Variants in PCSK5 observed in about 807,000 individuals in gnomAD.
The protein encoded by PCSK5 is prohormone convertase 5.
In PCSK5, 129 loss-of-function variants were observed where a neutral mutation model predicts 233.2. That is an observed-to-expected ratio of 0.55 (90% CI 0.48 to 0.64). The LOEUF (loss-of-function observed/expected upper bound fraction) is 0.64. PCSK5 is among the 30% of genes least tolerant of loss of function. The pLI, the probability that PCSK5 is intolerant of heterozygous loss-of-function variation, is 0.00. For synonymous variants in PCSK5, 825 were observed against 879.2 expected (o/e 0.94, Z 1.09); for missense variants, 2,076 against 2,430.1 (o/e 0.85, Z 3.06).
intron 5 of PCSK5, among the ~76,000 whole-genome samples, chr9:76,056,719 A>G (rs1008011604): frequency 5.6e-4 from 86 of 152,232 alleles, no homozygotes; most frequent in Non-Finnish European, 1.9e-4. Flanking sequence ...AAAATTATGT[A>G]ACAAATTGTT....
chr9:75,994,464 G>A (rs1484584419), intron 3 of PCSK5, among the ~76,000 whole-genome samples: 5 of 129,014 alleles, frequency 3.9e-5, no homozygotes, highest in African/African-American at 1.5e-4. Flanking sequence ...TCACTCTGTC[G>A]CCCAGGCTGG....
Position 76,350,946 on chromosome 9 carries a change from T to A in PCSK5, c.5067+18T>A, listed in dbSNP as rs747185680. 2 of 1,278,810 alleles carry A rather than the reference T, an allele frequency of 1.6e-6. No homozygotes were observed. The highest frequency in any genetic ancestry group is 2.3e-6 in the Non-Finnish European group (2 of 888,288). 79.2% of individuals were successfully genotyped at this position (1,278,810 alleles called of 1,614,324 possible). On this transcript the variant is annotated intron_variant, in intron 36 of 37. Coordinates refer to ENST00000674117, the MANE Select transcript of PCSK5 (RefSeq NM_001372043.1). ...TGGGAGAGGTATGGAGGGCTGGGGG[T>A]CCTGGGCCTTCTGCTCTTTCTAGAG...
chr9:75,964,319 A>C (rs1019990644), intron 2 of PCSK5, among the ~76,000 whole-genome samples: 3 of 151,834 alleles, frequency 2.0e-5, no homozygotes, highest in East Asian at 1.9e-4. Flanking sequence ...AATATCTTAT[A>C]TTATAATGTT....
intron 22 of PCSK5, among the ~76,000 whole-genome samples, chr9:76,236,068 C>T (rs1327405340): frequency 6.6e-6 from 1 of 152,158 alleles, no homozygotes; most frequent in Non-Finnish European, 1.5e-5. Flanking sequence ...TGTACATCTC[C>T]AGCTATATTG....
intron 27 of PCSK5, 85 bp from the exon 28 acceptor site, chr9:76,302,052 G>T (rs775175502): frequency 1.9e-6 from 1 of 515,712 alleles, no homozygotes; most frequent in Non-Finnish European, 3.3e-6. Context: ...GACATTTCTG[G>T]GTGGTGGGTT....
At position 75,993,968 on chromosome 9, in the gene PCSK5, ATT is replaced by A. The variant is rs1369489988; in HGVS notation, c.411+7725_411+7726del. Among the ~76,000 whole-genome samples, 6 of 152,298 alleles carry A rather than the reference ATT, an allele frequency of 3.9e-5. No homozygotes were observed. The South Asian group carries it at 8.3e-4, about 21-fold the overall frequency. On this transcript the variant is annotated intron_variant, in intron 3 of 37. Coordinates refer to ENST00000674117, the MANE Select transcript of PCSK5 (RefSeq NM_001372043.1). ...GCAGGTGTTCATAATAAACCATATC[ATT>A]TATATAAATGGTTTAGGTGCAGTGA... is the stretch of plus-strand genomic sequence containing the variant.
chr9:76,131,452 A>G (rs906811658), intron 9 of PCSK5, among the ~76,000 whole-genome samples: 2 of 152,150 alleles, frequency 1.3e-5, no homozygotes, highest in Non-Finnish European at 2.9e-5. Context: ...ATTACCAAAT[A>G]TCAGAGTAAA....
At chr9:76,357,367 A>G (rs1830327900) in intron 37 of PCSK5, among the ~76,000 whole-genome samples, 1 of 152,088 alleles carries the variant, frequency 6.6e-6, no homozygotes, top group Admixed American at 6.5e-5. Context: ...AAATACAAAA[A>G]TCAGCCAGGC....
In PCSK5 at chr9:75,979,265, T is replaced by TA. The variant is rs956984776; in HGVS notation, c.298-6857dup. Among the ~76,000 whole-genome samples the TA allele has an allele frequency of 1.4e-4, 21 of 148,674 alleles. No individual in the cohort carries two copies. The South Asian group carries it at 1.7e-3, about 12-fold the overall frequency. ...AAGACAGATGTTCATCAAAGCCGTC[T>TA]AAAAAAAAAACCAGTTCATACTGGC... On this transcript the variant is annotated intron_variant, in intron 2 of 37. Coordinates refer to ENST00000674117, the MANE Select transcript of PCSK5 (RefSeq NM_001372043.1).
chr9:76,148,853 ATCAAT>A (rs1186138343), intron 10 of PCSK5, among the ~76,000 whole-genome samples: 1 of 152,304 alleles, frequency 6.6e-6, no homozygotes, highest in East Asian at 1.9e-4. Context: ...TTTCCAGAAT[ATCAAT>A]TCAATTATGT....
At chr9:76,328,316 G>T in intron 33 of PCSK5, 77 bp downstream of exon 33, 7 of 996,736 alleles carry the variant, frequency 7.0e-6, no homozygotes, top group Non-Finnish European at 9.4e-6. Context: ...TTGTCCAGTA[G>T]ATACTGGCTT....
intron 2 of PCSK5, among the ~76,000 whole-genome samples, chr9:75,972,184 G>T (rs1186676579): frequency 6.6e-6 from 1 of 152,116 alleles, no homozygotes; most frequent in Non-Finnish European, 1.5e-5. Flanking sequence ...AGATCAGATG[G>T]TTATAGATAT....
intron 13 of PCSK5, among the ~76,000 whole-genome samples, chr9:76,172,674 C>T (rs1322505321): frequency 6.6e-6 from 1 of 152,158 alleles, no homozygotes; most frequent in Non-Finnish European, 1.5e-5. Context: ...GTATTATATG[C>T]TTCATTTGTA....
intron 3 of PCSK5, among the ~76,000 whole-genome samples, chr9:76,016,211 C>T (rs900853972): frequency 6.6e-6 from 1 of 152,242 alleles, no homozygotes; most frequent in African/African-American, 2.4e-5. Context: ...TATGTTACAT[C>T]TTGGTAAAGG....
chr9:76,156,081 G>A (rs563771835), intron 10 of PCSK5, among the ~76,000 whole-genome samples: 3 of 152,304 alleles, frequency 2.0e-5, no homozygotes, highest in Non-Finnish European at 4.4e-5. Flanking sequence ...TTTGCATAAA[G>A]TCATTCATGT....
chr9:75,933,329 A>G (rs1177423627), intron 2 of PCSK5, among the ~76,000 whole-genome samples: 1 of 152,176 alleles, frequency 6.6e-6, no homozygotes, highest in African/African-American at 2.4e-5. Context: ...GCGCATCTGT[A>G]CCAACTTGCC....
chr9:76,161,444 C>CTTTTTTTTTTT (rs57216482), intron 12 of PCSK5, among the ~76,000 whole-genome samples: 1 of 146,542 alleles, frequency 6.8e-6, no homozygotes. Flanking sequence ...TTATTTCTTG[C>CTTTTTTTTTTT]TTTTTTTTTT....
chr9:76,324,335 G>T (rs1587329812), intron 32 of PCSK5, among the ~76,000 whole-genome samples: 1 of 151,820 alleles, frequency 6.6e-6, no homozygotes, highest in African/African-American at 2.4e-5. Context: ...GGTTCAAGTG[G>T]TTCTCCTGCC....
chr9:75,970,032 C>T (rs959111483), intron 2 of PCSK5, among the ~76,000 whole-genome samples: 1 of 152,036 alleles, frequency 6.6e-6, no homozygotes, highest in Non-Finnish European at 1.5e-5. Flanking sequence ...CACCACCACA[C>T]CCAGCTAATT....
Sources: gnomAD v4.1 joint callset for allele counts (sites outside exome capture counted in the v4.1 genomes callset) on GRCh38, gnomAD v4.1.1 for gene constraint, MANE v1.5 for transcripts, NCBI Gene and HGNC (gene_info 2026-07-23, HGNC 2026-07-21) for gene names.